Variants in THSD7B observed in about 807,000 individuals in gnomAD.
THSD7B encodes thrombospondin type-1 domain-containing protein 7B.
Under a neutral mutation model 213.6 loss-of-function variants are expected in THSD7B, and 138 were observed. The ratio of observed to expected loss-of-function variants is 0.65; its 90% CI spans 0.56 to 0.74. THSD7B has a LOEUF of 0.74. Ranked by LOEUF, THSD7B falls within the 30% of genes least tolerant of loss-of-function variation. The pLI is 0.00. For synonymous variants in THSD7B, 742 were observed against 687.0 expected, an observed-to-expected ratio of 1.08 and a Z score of -1.25; for missense variants, 1,931 against 1,991.5, an observed-to-expected ratio of 0.97 and a Z score of 0.58.
At chr2:137,325,224 C>A (rs1684344438) in intron 12 of THSD7B, among the ~76,000 whole-genome samples, 1 of 152,070 alleles carries the variant, frequency 6.6e-6, no homozygotes, top group Non-Finnish European at 1.5e-5. Context: ...AACTCCACAT[C>A]TGGGCCATCT....
intron 2 of THSD7B, among the ~76,000 whole-genome samples, chr2:136,982,658 C>T (rs183456524): frequency 6.6e-6 from 1 of 151,996 alleles, no homozygotes. Flanking sequence ...CACACACACA[C>T]AAAAAATCCT....
At chr2:137,433,745 TTAAAATAAA>T (rs556388681) in intron 14 of THSD7B, among the ~76,000 whole-genome samples, 112 of 95,646 alleles carry the variant, frequency 1.2e-3, no homozygotes, top group African/African-American at 2.8e-3. Context: ...GACATTTACA[TTAAAATAAA>T]TAAAATGTAT....
At chr2:137,087,511 G>A (rs747419254) in intron 3 of THSD7B, among the ~76,000 whole-genome samples, 29 of 152,090 alleles carry the variant, frequency 1.9e-4, no homozygotes, top group Non-Finnish European at 3.5e-4. Flanking sequence ...TACCAACAGC[G>A]ACCAAGCTGA....
intron 10 of THSD7B, among the ~76,000 whole-genome samples, chr2:137,268,085 T>G (rs1482183572): frequency 1.3e-5 from 2 of 152,218 alleles, no homozygotes; most frequent in Non-Finnish European, 2.9e-5. Context: ...CATGCTGGGT[T>G]CAAAATGAGG....
Position 137,271,454 on chromosome 2 carries a change from TA to T in THSD7B, c.2267-1077del, listed in dbSNP as rs1362944446. 5.8e-4 allele frequency among the ~76,000 whole-genome samples: 80 copies of T among 138,600 alleles called. 2 individuals are homozygous for T. The highest frequency in any genetic ancestry group is 1.5e-3 in the African/African-American group (55 of 36,252). The allele number at this position is 138,600 out of a possible 152,430, so 90.9% of individuals were successfully genotyped here. A position where few individuals can be genotyped will look rare whatever the true frequency, so the allele number is the denominator to read the frequency against. On this transcript the variant is annotated intron_variant, in intron 10 of 27. Coordinates refer to ENST00000409968, the MANE Select transcript of THSD7B (RefSeq NM_001316349.2). ...AATATATATAATATAATATATAATA[TA>T]ATATATAATATAATATATAATATAA...
At chr2:137,570,441 T>TG (rs1681330988) in intron 16 of THSD7B, among the ~76,000 whole-genome samples, 1 of 152,076 alleles carries the variant, frequency 6.6e-6, no homozygotes, top group Admixed American at 6.5e-5. Flanking sequence ...CCCGAGTAGC[T>TG]GGGACTACAG....
At chr2:137,668,699 C>T (rs977999200) in intron 27 of THSD7B, among the ~76,000 whole-genome samples, 5 of 151,920 alleles carry the variant, frequency 3.3e-5, no homozygotes, top group African/African-American at 1.2e-4. Flanking sequence ...TGATCAGAAG[C>T]CTTACCAATA....
At chr2:136,890,303 C>CTTCTTCTT (rs200389806) in intron 2 of THSD7B, among the ~76,000 whole-genome samples, 13 of 5,162 alleles carry the variant, frequency 2.5e-3, no homozygotes, top group African/African-American at 7.4e-3. Flanking sequence ...ATGTCCTACT[C>CTTCTTCTT]CTTCTTCTTC....
intron 1 of THSD7B, among the ~76,000 whole-genome samples, chr2:136,780,393 G>A (rs1681718211): frequency 1.3e-5 from 2 of 152,102 alleles, no homozygotes; most frequent in Non-Finnish European, 2.9e-5. Flanking sequence ...TCCAAATACT[G>A]TTACCTTGGA....
chr2:137,277,637 C>T (rs771690014), intron 12 of THSD7B, among the ~76,000 whole-genome samples: 14 of 152,014 alleles, frequency 9.2e-5, no homozygotes, highest in East Asian at 3.9e-4. Context: ...TAGGAGCCAT[C>T]GGTAAACTAG....
At chr2:136,824,348 G>GAT (rs942396048) in intron 1 of THSD7B, among the ~76,000 whole-genome samples, 76 of 151,230 alleles carry the variant, frequency 5.0e-4, no homozygotes, top group South Asian at 3.6e-3. Flanking sequence ...GTACTGAGCA[G>GAT]ATATATATAT....
intron 12 of THSD7B, among the ~76,000 whole-genome samples, chr2:137,323,066 G>A (rs1173849272): frequency 6.6e-6 from 1 of 152,180 alleles, no homozygotes; most frequent in Admixed American, 6.5e-5. Context: ...GTCACCACCA[G>A]TCAACATACA....
At chr2:137,630,947 G>A (rs1348662732) in intron 20 of THSD7B, among the ~76,000 whole-genome samples, 2 of 152,092 alleles carry the variant, frequency 1.3e-5, no homozygotes, top group African/African-American at 4.8e-5. Flanking sequence ...TGAGTTATTG[G>A]GCAAAACCTG....
chr2:137,137,141 AC>A (rs1249941731), intron 5 of THSD7B, among the ~76,000 whole-genome samples: 7 of 152,162 alleles, frequency 4.6e-5, no homozygotes, highest in Non-Finnish European at 2.9e-5. Context: ...CATACTTTAT[AC>A]CTCTGTGATC....
At chr2:137,376,528 G>A (rs778574968) in intron 12 of THSD7B, among the ~76,000 whole-genome samples, 5 of 152,184 alleles carry the variant, frequency 3.3e-5, no homozygotes, top group Non-Finnish European at 2.9e-5. Flanking sequence ...AAGAGATACA[G>A]GTGAAACTTA....
chr2:137,159,263 C>G (rs967758309), intron 5 of THSD7B, among the ~76,000 whole-genome samples: 5 of 151,894 alleles, frequency 3.3e-5, no homozygotes, highest in African/African-American at 1.2e-4. Context: ...GAGACCTTCT[C>G]TCTACAAAAA....
chr2:137,312,154 T>C (rs1312051512), intron 12 of THSD7B, among the ~76,000 whole-genome samples: 1 of 152,152 alleles, frequency 6.6e-6, no homozygotes, highest in African/African-American at 2.4e-5. Context: ...TTTTTGTTGG[T>C]AAGCTATTGA....
chr2:137,525,152 C>G lies in THSD7B; in HGVS notation c.3139-38069C>G, dbSNP rs539021903. ...GTTCAAAGCACCAAGGGTAGTGGAA[C>G]CACACATGAATATTGTGTTCACACA... is the stretch of plus-strand genomic sequence containing the variant. On this transcript the variant is annotated intron_variant, in intron 15 of 27. Transcript: ENST00000409968. 2.4e-4 allele frequency among the ~76,000 whole-genome samples: 36 copies of G among 152,302 alleles called. 1 individual carries two copies. In the South Asian group the frequency reaches 7.5e-3, roughly 32 times the overall value.
chr2:137,628,160 C>G (rs1682668769), intron 20 of THSD7B, among the ~76,000 whole-genome samples: 1 of 152,152 alleles, frequency 6.6e-6, no homozygotes, highest in South Asian at 2.1e-4. Context: ...GTTCCTCTAC[C>G]TGTCTGTAGA....
Sources: allele counts gnomAD v4.1 joint callset (sites outside exome capture counted in the v4.1 genomes callset), GRCh38; gene constraint gnomAD v4.1.1; transcripts MANE v1.5; gene names NCBI Gene and HGNC (gene_info 2026-07-23, HGNC 2026-07-21).